C12orf50: variants seen among roughly 807,000 people sequenced by gnomAD.
The protein encoded by C12orf50 is zinc finger CCCH-type containing 11D, also known as uncharacterized protein C12orf50.
Under a neutral mutation model 61.6 loss-of-function variants are expected in C12orf50, and 35 were observed. The observed-to-expected ratio is 0.57, with a 90% CI of 0.43 to 0.75. C12orf50 has a LOEUF of 0.75. Among genes scored for constraint, C12orf50 ranks in the 30% least tolerant of loss-of-function variants. The probability of loss-of-function intolerance (pLI) is 0.00; values close to 1 mark genes in which losing one functional copy is unlikely to be tolerated. For synonymous variants in C12orf50, 178 were observed against 161.5 expected, an observed-to-expected ratio of 1.10 and a Z score of -0.77; for missense variants, 475 against 488.5, an observed-to-expected ratio of 0.97 and a Z score of 0.26.
chr12:88,001,311 T>A (rs893829490), intron 3 of C12orf50, among the ~76,000 whole-genome samples: 1 of 151,394 alleles, frequency 6.6e-6, no homozygotes, highest in Admixed American at 6.6e-5. Flanking sequence ...TTATTATTAT[T>A]ATTACAGAAA....
At chr12:87,997,760 C>T (rs1324081850) in intron 4 of C12orf50, among the ~76,000 whole-genome samples, 3 of 152,146 alleles carry the variant, frequency 2.0e-5, no homozygotes, top group Non-Finnish European at 4.4e-5. Flanking sequence ...TTTATGACTG[C>T]ATAGTATTCC....
At chr12:87,998,406 GTATT>G (rs1172856921) in intron 3 of C12orf50, among the ~76,000 whole-genome samples, 2 of 151,770 alleles carry the variant, frequency 1.3e-5, no homozygotes, top group Non-Finnish European at 2.9e-5. Context: ...AGAGAAAAAA[GTATT>G]TAGGAATTAA....
intron 3 of C12orf50, among the ~76,000 whole-genome samples, chr12:88,006,383 ATGTTCT>A (rs2031884865): frequency 6.6e-6 from 1 of 152,104 alleles, no homozygotes; most frequent in South Asian, 2.1e-4. Context: ...TCCCCACACT[ATGTTCT>A]ATTCCAAATA....
At chr12:87,994,467 G>A (rs2031289129) in intron 7 of C12orf50, among the ~76,000 whole-genome samples, 166 bp downstream of exon 7, 1 of 152,028 alleles carries the variant, frequency 6.6e-6, no homozygotes, top group Non-Finnish European at 1.5e-5. Context: ...AAGGTATTTG[G>A]CAGAGATTTT....
intron 4 of C12orf50, 119 bp from the exon 5 acceptor site, chr12:87,996,765 C>G: frequency 1.5e-6 from 1 of 684,668 alleles, no homozygotes; most frequent in Non-Finnish European, 2.4e-6. Context: ...TTTTATATTT[C>G]TAAAATCAAT....
intron 4 of C12orf50, among the ~76,000 whole-genome samples, chr12:87,996,878 C>T (rs79845055): frequency 0.029 from 4,461 of 152,212 alleles, 221 homozygotes; most frequent in African/African-American, 0.1. Context: ...TGAAATGAGA[C>T]GCTGAATGTA....
chr12:87,985,250 GA>G (rs2030746924), intron 11 of C12orf50: 1 of 152,088 alleles, frequency 6.6e-6, no homozygotes, highest in African/African-American at 2.4e-5. Flanking sequence ...AACTTCAAAA[GA>G]ACAAAATCCA....
intron 3 of C12orf50, among the ~76,000 whole-genome samples, chr12:88,012,218 G>T (rs1206676367): frequency 6.6e-6 from 1 of 152,040 alleles, no homozygotes; most frequent in African/African-American, 2.4e-5. Flanking sequence ...TCATGCCAGG[G>T]CATTTCATAC....
intron 3 of C12orf50, among the ~76,000 whole-genome samples, chr12:88,024,546 A>G (rs528287971): frequency 6.6e-6 from 1 of 152,320 alleles, no homozygotes; most frequent in East Asian, 1.9e-4. Flanking sequence ...CAAATGCCAC[A>G]TGTTCTAACT....
At chr12:88,017,427 T>C (rs531961012) in intron 3 of C12orf50, among the ~76,000 whole-genome samples, 22 of 152,324 alleles carry the variant, frequency 1.4e-4, no homozygotes, top group African/African-American at 5.3e-4. Flanking sequence ...CCATTAAATC[T>C]CTTTCTTTTG....
At position 87,985,892 on chromosome 12, in the gene C12orf50, T is replaced by C. The variant is rs774858263; in HGVS notation, c.1084A>G (p.Lys362Glu). Residue 362 changes from lysine (K) to glutamate (E), a missense_variant, in exon 11 of 13, where the codon AAA (lysine) becomes GAA (glutamate). Coordinates refer to ENST00000298699, the MANE Select transcript of C12orf50 (RefSeq NM_152589.3). ...TTGGGTTCCCTGTTAGCATGGACTTTATTGTAGGACCCATGCGTGGGCCTG... is the reference window on the plus strand; with the variant it reads ...TTGGGTTCCCTGTTAGCATGGACTTCATTGTAGGACCCATGCGTGGGCCTG... Reference protein sequence around the residue: ...RSRPTHGSYNKVHANREPKPN... With the variant: ...RSRPTHGSYNEVHANREPKPN... 5 of 1,613,534 alleles carry C rather than the reference T, an allele frequency of 3.1e-6. No homozygotes were observed. Among genetic ancestry groups the C allele is most frequent in the Non-Finnish European group, 4.2e-6 (5 of 1,179,848 alleles).
chr12:88,012,001 G>A (rs954225769), intron 3 of C12orf50, among the ~76,000 whole-genome samples: 18 of 152,150 alleles, frequency 1.2e-4, no homozygotes, highest in African/African-American at 2.7e-4. Context: ...GAAATTGGCC[G>A]TAGAGAAAAT....
chr12:88,001,014 A>G (rs558294042), intron 3 of C12orf50, among the ~76,000 whole-genome samples: 127 of 151,912 alleles, frequency 8.4e-4, no homozygotes, highest in African/African-American at 2.8e-3. Context: ...TTAGCTGATG[A>G]TGTTGCAACA....
intron 3 of C12orf50, 105 bp from the exon 4 acceptor site, chr12:87,998,295 A>T (rs1026422525): frequency 2.6e-6 from 2 of 776,832 alleles, no homozygotes; most frequent in Non-Finnish European, 3.8e-6. Context: ...TTATTTTAAA[A>T]TGTGTACAAT....
At chr12:87,984,333 T>C (rs188383981) in intron 11 of C12orf50, 45 of 152,330 alleles carry the variant, frequency 3.0e-4, no homozygotes, top group Admixed American at 1.4e-3. Context: ...AGATTCTTAA[T>C]TGGCTGTTCA....
intron 3 of C12orf50, among the ~76,000 whole-genome samples, chr12:88,015,550 A>G (rs751032347): frequency 1.3e-4 from 20 of 152,222 alleles, no homozygotes; most frequent in Non-Finnish European, 1.9e-4. Context: ...GTTTGGAACA[A>G]ATTTTTCTTC....
At chr12:88,004,401 A>G (rs1321768572) in intron 3 of C12orf50, among the ~76,000 whole-genome samples, 5 of 152,220 alleles carry the variant, frequency 3.3e-5, no homozygotes, top group Admixed American at 3.3e-4. Context: ...AAAATAGCAG[A>G]TGCTGGCAAG....
Position 87,996,643 on chromosome 12 carries a change from G to A in C12orf50, c.293C>T (p.Ala98Val). Residue 98 changes from alanine to valine, a missense_variant, in exon 5 of 13, where the codon GCT becomes GTT. Ala to Val is a moderately conservative substitution (Grantham distance 64, BLOSUM62 0). Transcript: ENST00000298699. Reference protein sequence around the residue: ...EEEEVDEQNDASSLWTKTPEE... With the variant: ...EEEEVDEQNDVSSLWTKTPEE... Reference sequence around the variant, plus strand: ...AGGGGTCTTTGTCCATAAACTAGAAGCATCTATAGGATATAGATTTTTTAA... The same window carrying A: ...AGGGGTCTTTGTCCATAAACTAGAAACATCTATAGGATATAGATTTTTTAA... 1 of 1,597,112 alleles carries A rather than the reference G, an allele frequency of 6.3e-7. No homozygotes were observed. Among genetic ancestry groups the A allele is most frequent in the Non-Finnish European group, 8.6e-7 (1 of 1,166,952 alleles).
chr12:87,981,339 C>T (rs774822041), intron 12 of C12orf50, among the ~76,000 whole-genome samples: 1 of 152,124 alleles, frequency 6.6e-6, no homozygotes, highest in African/African-American at 2.4e-5. Context: ...TGGATGGGTC[C>T]TGTGCTGGGC....
Sources: allele counts gnomAD v4.1 joint callset (sites outside exome capture counted in the v4.1 genomes callset), GRCh38; gene constraint gnomAD v4.1.1; transcripts MANE v1.5; gene names NCBI Gene and HGNC (gene_info 2026-07-23, HGNC 2026-07-21).